Variants in FRMD3 observed in about 807,000 individuals in gnomAD.
The protein encoded by FRMD3 is FERM domain containing 3.
FRMD3 carries 33 observed loss-of-function variants against 70.2 expected under a neutral mutation model. The ratio of observed to expected loss-of-function variants is 0.47; its 90% CI spans 0.36 to 0.63. The LOEUF (loss-of-function observed/expected upper bound fraction) is 0.63. Ranked by LOEUF, FRMD3 falls within the 20% of genes least tolerant of loss-of-function variation. The pLI is 0.00. For missense variants in FRMD3, 632 were observed against 711.4 expected (o/e 0.89, Z 1.27); for synonymous variants, 279 against 255.9 (o/e 1.09, Z -0.86).
chr9:83,292,515 A>G (rs1343578665), intron 12 of FRMD3, among the ~76,000 whole-genome samples: 1 of 152,192 alleles, frequency 6.6e-6, no homozygotes, highest in African/African-American at 2.4e-5. Flanking sequence ...AGGAAGAAGC[A>G]CAACTGAAAT....
chr9:83,309,397 C>CA (rs1835266854), intron 10 of FRMD3, 139 bp downstream of exon 10: 1 of 581,222 alleles, frequency 1.7e-6, no homozygotes. Flanking sequence ...TCACCCTGAA[C>CA]AATGCACAAA....
intron 1 of FRMD3, among the ~76,000 whole-genome samples, chr9:83,522,201 A>G (rs1182700157): frequency 6.6e-6 from 1 of 152,248 alleles, no homozygotes; most frequent in Non-Finnish European, 1.5e-5. Context: ...TCAGTAATCC[A>G]TTTCAAAGAA....
Position 83,409,224 on chromosome 9 carries a change from A to G in FRMD3, c.148-19516T>C, listed in dbSNP as rs1051011675. ...GTTAAAAGCACACAGTATCAAACTCAGGACAAGAAGGAAGCCAGGCGCATT... is the reference window on the plus strand; with the variant it reads ...GTTAAAAGCACACAGTATCAAACTCGGGACAAGAAGGAAGCCAGGCGCATT... On this transcript the variant is annotated intron_variant, in intron 1 of 13. Coordinates refer to ENST00000304195, the MANE Select transcript of FRMD3 (RefSeq NM_174938.6). 1.9e-4 allele frequency among the ~76,000 whole-genome samples: 29 copies of G among 152,346 alleles called. No individual in the cohort carries two copies. In the East Asian group the frequency reaches 5.4e-3, roughly 28 times the overall value.
intron 1 of FRMD3, among the ~76,000 whole-genome samples, chr9:83,437,539 T>G (rs1273070082): frequency 1.3e-5 from 2 of 152,210 alleles, no homozygotes; most frequent in Non-Finnish European, 2.9e-5. Context: ...TGCTCTGAAG[T>G]CTGAGCTTTA....
chr9:83,262,999 G>A (rs1196774432), intron 13 of FRMD3, among the ~76,000 whole-genome samples: 1 of 152,186 alleles, frequency 6.6e-6, no homozygotes, highest in Non-Finnish European at 1.5e-5. Context: ...GAAGAGGGGA[G>A]GGGGCCTGAG....
At chr9:83,549,469 C>A in the FRMD3 span, among the ~76,000 whole-genome samples, 1 of 152,146 alleles carries the variant, frequency 6.6e-6, no homozygotes, top group Non-Finnish European at 1.5e-5. Context: ...GGTATACACC[C>A]AGTAATAGGA....
In FRMD3 at chr9:83,247,047, T is replaced by A. The variant is rs1055107467; in HGVS notation, c.*871A>T. ...TTTCCTTTAAACTCTCACTTTCTTT[T>A]TAAAACATCTGCTTCTCCAGCCAAA... is the stretch of plus-strand genomic sequence containing the variant. On this transcript the variant is annotated 3_prime_UTR_variant, in exon 14 of 14. Coordinates refer to ENST00000304195, the MANE Select transcript of FRMD3 (RefSeq NM_174938.6). 1 of 985,318 alleles carries A rather than the reference T, an allele frequency of 1.0e-6. No individual in the cohort carries two copies. The highest frequency in any genetic ancestry group is 1.7e-5 in the African/African-American group (1 of 57,236). 61.0% of individuals were successfully genotyped at this position (985,318 alleles called of 1,614,324 possible). A position where few individuals can be genotyped will look rare whatever the true frequency, so the allele number is the denominator to read the frequency against.
In FRMD3 at chr9:83,300,800, G is replaced by A. The variant is rs186198656; in HGVS notation, c.927-1614C>T. On this transcript the variant is annotated intron_variant, in intron 10 of 13. Coordinates refer to ENST00000304195, the MANE Select transcript of FRMD3 (RefSeq NM_174938.6). ...TTTTCCTTTCCTAATAAAGATAAGT[G>A]AATGTACAGATGTACGAAGGAGAAT... is the stretch of plus-strand genomic sequence containing the variant. Among the ~76,000 whole-genome samples the A allele has an allele frequency of 8.5e-5, 13 of 152,174 alleles. No individual in the cohort carries two copies. In the East Asian group the frequency reaches 2.5e-3, roughly 29 times the overall value.
intron 1 of FRMD3, among the ~76,000 whole-genome samples, chr9:83,479,695 A>AGAAG (rs1828503004): frequency 2.8e-5 from 2 of 71,312 alleles, no homozygotes; most frequent in African/African-American, 1.4e-4. Flanking sequence ...AAAGAAAGAA[A>AGAAG]GAAAGAAAGA....
chr9:83,319,569 G>A (rs1349382123), intron 6 of FRMD3, among the ~76,000 whole-genome samples: 1 of 152,142 alleles, frequency 6.6e-6, no homozygotes, highest in Non-Finnish European at 1.5e-5. Flanking sequence ...TTACAGGCAT[G>A]TGCCACCAGG....
intron 1 of FRMD3, among the ~76,000 whole-genome samples, chr9:83,526,460 C>A (rs572297016): frequency 6.6e-6 from 1 of 152,226 alleles, no homozygotes; most frequent in Non-Finnish European, 1.5e-5. Flanking sequence ...TTACACCAAG[C>A]AAGCAAGAGA....
chr9:83,580,486 G>T, the FRMD3 span, among the ~76,000 whole-genome samples: 8,188 of 152,170 alleles, frequency 0.054, 750 homozygotes, highest in African/African-American at 0.19. Context: ...CTGGAGGACA[G>T]TATACTAAGT....
intron 13 of FRMD3, among the ~76,000 whole-genome samples, chr9:83,285,901 G>A (rs2118943865): frequency 6.6e-6 from 1 of 152,308 alleles, no homozygotes. Context: ...GTTTTCCACA[G>A]CACTAGTTCT....
rs555615691 is a variant in FRMD3, at chr9:83,406,137, A to G, written c.148-16429T>C. On this transcript the variant is annotated intron_variant, in intron 1 of 13. Coordinates refer to ENST00000304195, the MANE Select transcript of FRMD3 (RefSeq NM_174938.6). ...AACAGCATTGCTAAGGAGCTGCAGG[A>G]GTCTTCGGATCTCACAGAGCACAGA... is the stretch of plus-strand genomic sequence containing the variant. Among the ~76,000 whole-genome samples the G allele has an allele frequency of 2.6e-5, 4 of 152,276 alleles. No individual in the cohort carries two copies. The South Asian group carries it at 8.3e-4, about 32-fold the overall frequency.
the FRMD3 span, among the ~76,000 whole-genome samples, chr9:83,560,053 G>A: frequency 6.6e-6 from 1 of 152,096 alleles, no homozygotes; most frequent in East Asian, 1.9e-4. Flanking sequence ...GGTTGGATGT[G>A]GCAGAGATTT....
the FRMD3 span, among the ~76,000 whole-genome samples, chr9:83,581,913 G>A: frequency 2.0e-5 from 3 of 152,172 alleles, no homozygotes; most frequent in East Asian, 5.8e-4. Context: ...GGGAGTGATG[G>A]GTACATGGTT....
chr9:83,584,570 C>A, the FRMD3 span, among the ~76,000 whole-genome samples: 6 of 152,208 alleles, frequency 3.9e-5, no homozygotes, highest in African/African-American at 1.4e-4. Context: ...CACTCATCTT[C>A]TTCCATAAAG....
At chr9:83,567,825 A>T in the FRMD3 span, among the ~76,000 whole-genome samples, 106 of 152,272 alleles carry the variant, frequency 7.0e-4, no homozygotes, top group African/African-American at 2.3e-3. Context: ...TTTTTGTCAA[A>T]GCCATTCAAC....
intron 13 of FRMD3, among the ~76,000 whole-genome samples, chr9:83,277,948 G>A (rs1256330520): frequency 6.6e-6 from 1 of 152,170 alleles, no homozygotes; most frequent in Non-Finnish European, 1.5e-5. Context: ...AGTTAGGGAA[G>A]GCAGTCAACA....
Sources: allele counts gnomAD v4.1 joint callset (sites outside exome capture counted in the v4.1 genomes callset), GRCh38; gene constraint gnomAD v4.1.1; transcripts MANE v1.5; gene names NCBI Gene and HGNC (gene_info 2026-07-23, HGNC 2026-07-21).